FMO1: variants seen among roughly 807,000 people sequenced by gnomAD.
FMO1 encodes the protein flavin-containing monooxygenase 1.
Under a neutral mutation model 45.4 loss-of-function variants are expected in FMO1, and 36 were observed. The ratio of observed to expected loss-of-function variants is 0.79; its 90% confidence interval spans 0.61 to 1.05. The LOEUF is 1.05. Among genes scored for constraint, FMO1 ranks in the 50% least tolerant of loss-of-function variants. The probability of loss-of-function intolerance (pLI) is 0.00; values close to 1 mark genes in which losing one functional copy is unlikely to be tolerated. For missense variants in FMO1, 615 were observed against 640.3 expected (o/e 0.96, Z 0.43); for synonymous variants, 228 against 227.2 (o/e 1.00, Z -0.03).
At position 171,256,056 on chromosome 1, in the gene FMO1, G is replaced by A. The variant is rs189638753; in HGVS notation, c.-6-2026G>A. 2.6e-3 allele frequency among the ~76,000 whole-genome samples: 402 copies of A among 152,164 alleles called. 7 individuals are homozygous for A. Among genetic ancestry groups the A allele is most frequent in the Non-Finnish European group, 6.2e-4 (42 of 68,002 alleles). ...TGGGAGGCTGAGGCAGGCTGATCAC[G>A]AGGTTAGGAGATCAAGACCATCCTG... is the stretch of plus-strand genomic sequence containing the variant. On this transcript the variant is annotated intron_variant, in intron 1 of 8. Transcript: ENST00000617670.
At chr1:171,271,362 T>G (rs1423249370) in intron 3 of FMO1, 1 of 1,267,670 alleles carries the variant, frequency 7.9e-7, no homozygotes, top group African/African-American at 1.5e-5. Flanking sequence ...GGATTTAGGT[T>G]TTCACTTCTC....
intron 3 of FMO1, among the ~76,000 whole-genome samples, chr1:171,273,064 G>A (rs2101826771): frequency 6.6e-6 from 1 of 152,338 alleles, no homozygotes; most frequent in South Asian, 2.1e-4. Context: ...ACCGAATCAT[G>A]AGGGTAGGTC....
chr1:171,273,635 C>T (rs1249072832), intron 3 of FMO1, among the ~76,000 whole-genome samples: 1 of 152,090 alleles, frequency 6.6e-6, no homozygotes, highest in Non-Finnish European at 1.5e-5. Context: ...AGCCTCCCCA[C>T]TATTAATAGC....
intron 3 of FMO1, among the ~76,000 whole-genome samples, chr1:171,268,278 G>A (rs1029248761): frequency 6.6e-6 from 1 of 152,110 alleles, no homozygotes; most frequent in South Asian, 2.1e-4. Context: ...TAGCGATGGG[G>A]TCTCACCATG....
chr1:171,252,460 C>T (rs930023205), intron 1 of FMO1, among the ~76,000 whole-genome samples: 10 of 152,262 alleles, frequency 6.6e-5, no homozygotes, highest in African/African-American at 1.2e-4. Flanking sequence ...CAACTGCCCT[C>T]GTCTCTTTCC....
At chr1:171,265,329 T>C (rs1660571786) in intron 2 of FMO1, among the ~76,000 whole-genome samples, 1 of 151,178 alleles carries the variant, frequency 6.6e-6, no homozygotes, top group African/African-American at 2.4e-5. Flanking sequence ...AGGCAGAGCT[T>C]GCAGTGAGCA....
intron 1 of FMO1, among the ~76,000 whole-genome samples, chr1:171,254,546 C>T (rs1054054287): frequency 3.3e-5 from 5 of 152,054 alleles, no homozygotes; most frequent in African/African-American, 1.2e-4. Context: ...AAAGAAAATG[C>T]CTACTTTGGG....
intron 1 of FMO1, among the ~76,000 whole-genome samples, chr1:171,252,536 T>A (rs1222517956): frequency 1.3e-5 from 2 of 152,238 alleles, no homozygotes; most frequent in Admixed American, 1.3e-4. Context: ...TGGCCTGTTC[T>A]GTCCCTGAGC....
Position 171,282,221 on chromosome 1 carries a change from C to T in FMO1, c.1071C>T (p.Phe357=), listed in dbSNP as rs755377005. 6.2e-7 allele frequency: 1 copy of T among 1,614,014 alleles called. No individual in the cohort carries two copies. The highest frequency in any genetic ancestry group is 8.5e-7 in the Non-Finnish European group (1 of 1,179,896). The change falls in exon 7 of 9, where the codon TTC becomes TTT. Residue 357 remains phenylalanine (F), a synonymous_variant. Transcript: ENST00000617670. ...DGQASLYKYI[F]PAHLQKPTLA... ...AGGCCTCACTGTACAAGTATATCTT[C>T]CCTGCACATCTGCAAAAGCCAACCC... is the stretch of plus-strand genomic sequence containing the variant.
intron 1 of FMO1, chr1:171,251,582 A>ACAGTTCCTCACT (rs1409809194): frequency 2.0e-5 from 3 of 148,584 alleles, no homozygotes; most frequent in Non-Finnish European, 4.5e-5. Flanking sequence ...AGTTCCTCAC[A>ACAGTTCCTCACT]CAGCGCCTCA....
At chr1:171,268,470 C>A (rs1327639836) in intron 3 of FMO1, among the ~76,000 whole-genome samples, 4 of 152,316 alleles carry the variant, frequency 2.6e-5, no homozygotes, top group East Asian at 1.9e-4. Flanking sequence ...TGAAAGAAAT[C>A]TTTTCTAGAT....
intron 2 of FMO1, among the ~76,000 whole-genome samples, chr1:171,261,343 A>ACACACACACAC (rs59981493): frequency 1.2e-3 from 186 of 152,078 alleles, no homozygotes; most frequent in African/African-American, 4.3e-3. Context: ...ACACACACAC[A>ACACACACACAC]AAAGGTTAGA....
chr1:171,271,607 A>G (rs1660871761), intron 3 of FMO1: 2 of 756,056 alleles, frequency 2.6e-6, no homozygotes, highest in Middle Eastern at 3.6e-4. Flanking sequence ...ATTTTTCCCC[A>G]GTGAGGCACA....
At chr1:171,265,187 G>C (rs1216863586) in intron 2 of FMO1, among the ~76,000 whole-genome samples, 1 of 152,004 alleles carries the variant, frequency 6.6e-6, no homozygotes, top group African/African-American at 2.4e-5. Flanking sequence ...TCAGGAGATT[G>C]AGACCATCCT....
At chr1:171,249,933 A>C (rs1659809726) in intron 1 of FMO1, among the ~76,000 whole-genome samples, 1 of 152,164 alleles carries the variant, frequency 6.6e-6, no homozygotes, top group African/African-American at 2.4e-5. Context: ...CCGGGTCAAT[A>C]AAATAAACTC....
Position 171,285,855 on chromosome 1 carries a change from T to C in FMO1, c.*311T>C, listed in dbSNP as rs1271239027. 1 of 215,704 alleles carries C rather than the reference T, an allele frequency of 4.6e-6. No homozygotes were observed. 13.4% of individuals were successfully genotyped at this position (215,704 alleles called of 1,614,324 possible). On this transcript the variant is annotated 3_prime_UTR_variant, in exon 9 of 9. Coordinates refer to ENST00000617670, the MANE Select transcript of FMO1 (RefSeq NM_001282693.2). ...TCATACCTCTTTCCCATATAAACTA[T>C]TTTCACAGATCTCAACTAAAACCCC...
chr1:171,273,324 C>T (rs146066273), intron 3 of FMO1, among the ~76,000 whole-genome samples: 68 of 152,286 alleles, frequency 4.5e-4, no homozygotes, highest in African/African-American at 1.5e-3. Flanking sequence ...TGAAAATGGA[C>T]TAATACATCC....
At chr1:171,255,643 A>G (rs914033194) in intron 1 of FMO1, among the ~76,000 whole-genome samples, 9 of 152,274 alleles carry the variant, frequency 5.9e-5, no homozygotes, top group African/African-American at 2.2e-4. Context: ...CTGGCAGGAT[A>G]AACACTACTA....
chr1:171,265,786 T>A (rs927032427), intron 2 of FMO1, among the ~76,000 whole-genome samples: 1 of 152,254 alleles, frequency 6.6e-6, no homozygotes, highest in Non-Finnish European at 1.5e-5. Context: ...TTACCTAATC[T>A]GGTTTGAATG....
Sources: allele counts gnomAD v4.1 joint callset (sites outside exome capture counted in the v4.1 genomes callset), GRCh38; gene constraint gnomAD v4.1.1; transcripts MANE v1.5; gene names NCBI Gene and HGNC (gene_info 2026-07-23, HGNC 2026-07-21).